WWOX: variants seen among roughly 807,000 people sequenced by gnomAD.
WWOX encodes WW domain-containing oxidoreductase.
In WWOX, 69 loss-of-function variants were observed where a neutral mutation model predicts 46.2. The ratio of observed to expected loss-of-function variants is 1.49; its 90% CI spans 1.23 to 1.82. The LOEUF is 1.82. Ranked by LOEUF, WWOX falls within the 40% of genes most tolerant of loss-of-function variation. The pLI, the probability that WWOX is intolerant of heterozygous loss-of-function variation, is 0.00. For synonymous variants in WWOX, 359 were observed against 202.6 expected, an observed-to-expected ratio of 1.77 and a Z score of -6.56; for missense variants, 919 against 542.6, an observed-to-expected ratio of 1.69 and a Z score of -6.89.
At chr16:78,558,690 C>G (rs1241932779) in intron 8 of WWOX, among the ~76,000 whole-genome samples, 4 of 152,240 alleles carry the variant, frequency 2.6e-5, no homozygotes, top group East Asian at 1.9e-4. Context: ...GCCTCCAATT[C>G]ACTGAGCTGG....
At position 79,211,679 on chromosome 16, in the gene WWOX, C is replaced by A. The variant is rs1417388410; in HGVS notation, c.1128C>A (p.Phe376Leu). The change falls in exon 9 of 9, where the codon TTC (phenylalanine) becomes TTA (leucine). Residue 376 changes from phenylalanine to leucine, a missense_variant. Physicochemically the swap from Phe to Leu is conservative, Grantham distance 22. Transcript: ENST00000566780. ...PELEGLGGMY[F>L]NNCCRCMPSP... Reference sequence around the variant, plus strand: ...TGGAGGGTCTGGGAGGGATGTACTTCAACAACTGCTGCCGCTGCATGCCCT... The same window carrying A: ...TGGAGGGTCTGGGAGGGATGTACTTAAACAACTGCTGCCGCTGCATGCCCT... The A allele has an allele frequency of 1.2e-6, 2 of 1,614,238 alleles. No homozygotes were observed. The highest frequency in any genetic ancestry group is 1.7e-6 in the Non-Finnish European group (2 of 1,180,048).
chr16:78,198,412 A>G (rs1003199733), intron 5 of WWOX, among the ~76,000 whole-genome samples: 4 of 152,188 alleles, frequency 2.6e-5, no homozygotes, highest in African/African-American at 7.2e-5. Context: ...GAGACAAACC[A>G]TAGCAAGCAA....
intron 5 of WWOX, among the ~76,000 whole-genome samples, chr16:78,319,578 C>A (rs1254735764): frequency 6.6e-6 from 1 of 152,250 alleles, no homozygotes; most frequent in Non-Finnish European, 1.5e-5. Context: ...CTTCAGATCC[C>A]AGTTGGTCTT....
At chr16:78,195,831 AAAAAAAAAAG>A (rs1008942505) in intron 5 of WWOX, among the ~76,000 whole-genome samples, 3 of 150,546 alleles carry the variant, frequency 2.0e-5, no homozygotes, top group African/African-American at 7.3e-5. Context: ...CAAAAAAAAA[AAAAAAAAAAG>A]AAAAAAAAAA....
rs112738560 is a variant in WWOX, at chr16:78,116,159, A to G, written c.409+1005A>G. Among the ~76,000 whole-genome samples, 878 of 152,330 alleles carry G rather than the reference A, an allele frequency of 5.8e-3. 2 individuals are homozygous for G. Among genetic ancestry groups the G allele is most frequent in the Non-Finnish European group, 1.0e-2 (677 of 68,036 alleles). On this transcript the variant is annotated intron_variant, in intron 4 of 8. Transcript: ENST00000566780. ...CCTTTGAGTGATAAACAATTCAGTTATACCCTTTTAGATATTTTACAATGT... is the reference window on the plus strand; with the variant it reads ...CCTTTGAGTGATAAACAATTCAGTTGTACCCTTTTAGATATTTTACAATGT...
chr16:79,097,709 G>A (rs1053468092), intron 8 of WWOX, among the ~76,000 whole-genome samples: 14 of 152,120 alleles, frequency 9.2e-5, no homozygotes, highest in African/African-American at 3.4e-4. Context: ...GATCTTTGGA[G>A]GATAAAGGAT....
At chr16:78,871,173 GT>G (rs34322186) in intron 8 of WWOX, among the ~76,000 whole-genome samples, 35,262 of 133,596 alleles carry the variant, frequency 0.26, 4,504 homozygotes, top group African/African-American at 0.38. Context: ...CGTGAAGGTT[GT>G]TTTTTTTTTT....
At chr16:78,456,848 A>G (rs180699677) in intron 8 of WWOX, among the ~76,000 whole-genome samples, 59 of 152,374 alleles carry the variant, frequency 3.9e-4, no homozygotes, top group African/African-American at 1.4e-3. Context: ...GATTTAAAAT[A>G]TGTAATGAAA....
chr16:78,621,705 T>C (rs2046192529), intron 8 of WWOX, among the ~76,000 whole-genome samples: 1 of 146,226 alleles, frequency 6.8e-6, no homozygotes, highest in Non-Finnish European at 1.5e-5. Flanking sequence ...CGTGGGTTCA[T>C]GCCATTCTCC....
At chr16:78,926,878 C>G (rs1567654438) in intron 8 of WWOX, among the ~76,000 whole-genome samples, 1 of 152,258 alleles carries the variant, frequency 6.6e-6, no homozygotes, top group South Asian at 2.1e-4. Context: ...CTTACTGCAG[C>G]CTCTACTTCC....
At chr16:78,965,028 G>T (rs1180981997) in intron 8 of WWOX, among the ~76,000 whole-genome samples, 1 of 152,192 alleles carries the variant, frequency 6.6e-6, no homozygotes, top group Non-Finnish European at 1.5e-5. Flanking sequence ...ACACCTGGAT[G>T]CCCCAGCAAA....
chr16:78,623,106 GC>G (rs1437893006), intron 8 of WWOX, among the ~76,000 whole-genome samples: 1 of 151,868 alleles, frequency 6.6e-6, no homozygotes, highest in Non-Finnish European at 1.5e-5. Context: ...TGAGACCGCA[GC>G]CCCACTAGGC....
chr16:78,442,595 T>C (rs955932614), intron 8 of WWOX, among the ~76,000 whole-genome samples: 8 of 152,290 alleles, frequency 5.3e-5, no homozygotes, highest in Non-Finnish European at 1.2e-4. Flanking sequence ...TGATTGCTTC[T>C]CTTCCCATTG....
chr16:78,255,392 C>T (rs1432913795), intron 5 of WWOX, among the ~76,000 whole-genome samples: 2 of 152,228 alleles, frequency 1.3e-5, no homozygotes, highest in East Asian at 1.9e-4. Flanking sequence ...ACTATATTGC[C>T]GAGAAAGAGA....
At chr16:78,293,792 ATGGTGAAACCC>A (rs2151862049) in intron 5 of WWOX, among the ~76,000 whole-genome samples, 1 of 152,062 alleles carries the variant, frequency 6.6e-6, no homozygotes, top group East Asian at 1.9e-4. Flanking sequence ...ACTGGCCAAC[ATGGTGAAACCC>A]TGTCTCTACT....
At chr16:78,449,507 C>G (rs965235852) in intron 8 of WWOX, among the ~76,000 whole-genome samples, 2 of 152,158 alleles carry the variant, frequency 1.3e-5, no homozygotes, top group African/African-American at 4.8e-5. Flanking sequence ...GGTAGATTTA[C>G]TCACAGGACT....
intron 8 of WWOX, among the ~76,000 whole-genome samples, chr16:78,746,119 A>G (rs542534342): frequency 6.6e-6 from 1 of 152,316 alleles, no homozygotes; most frequent in East Asian, 1.9e-4. Flanking sequence ...GATTTGTCCA[A>G]GGACATCGTT....
rs149019978 is a variant in WWOX at position 78,614,920 on chromosome 16, T to C, written c.1056+182168T>C. Among the ~76,000 whole-genome samples the C allele has an allele frequency of 1.3e-3, 202 of 152,336 alleles. 1 individual carries two copies. The highest frequency in any genetic ancestry group is 2.1e-3 in the Non-Finnish European group (143 of 68,030). On this transcript the variant is annotated intron_variant, in intron 8 of 8. Transcript: ENST00000566780. ...TTTTAAATCCATTCTTAGATTTTCC[T>C]TTTCCATAGCTCTTTGTGATGCTTG...
chr16:79,039,098 A>C (rs567861209), intron 8 of WWOX, among the ~76,000 whole-genome samples: 3 of 152,302 alleles, frequency 2.0e-5, no homozygotes, highest in African/African-American at 7.2e-5. Context: ...GATTTCCTGC[A>C]TTAAAAAAAA....
Sources: allele counts gnomAD v4.1 joint callset (sites outside exome capture counted in the v4.1 genomes callset), GRCh38; gene constraint gnomAD v4.1.1; transcripts MANE v1.5; gene names NCBI Gene and HGNC (gene_info 2026-07-23, HGNC 2026-07-21).